The following CD99 variants were observed in gnomAD, a reference collection of about 807,000 sequenced individuals.
CD99 encodes CD99 antigen.
In CD99, 19 loss-of-function variants were observed where a neutral mutation model predicts 28.4. That is an observed-to-expected ratio of 0.67 (90% CI 0.47 to 0.98). CD99 has a LOEUF of 0.98. Among genes scored for constraint, CD99 ranks in the 50% least tolerant of loss-of-function variants. The pLI, the probability that CD99 is intolerant of heterozygous loss-of-function variation, is 0.00. For missense variants in CD99, 283 were observed against 248.8 expected, an observed-to-expected ratio of 1.14 and a Z score of -0.92; for synonymous variants, 103 against 92.1, an observed-to-expected ratio of 1.12 and a Z score of -0.67.
At chrX:2,711,910 C>T (rs2048426912) in intron 1 of CD99, among the ~76,000 whole-genome samples, 3 of 151,960 alleles carry the variant, frequency 2.0e-5, no homozygotes, top group African/African-American at 7.3e-5. Flanking sequence ...GCATGATGGG[C>T]GGGCGCCTAT....
intron 8 of CD99, chrX:2,733,508 G>T (rs1198664487): frequency 2.2e-6 from 2 of 909,800 alleles, no homozygotes; most frequent in Non-Finnish European, 3.4e-6. Context: ...ACCACGATGG[G>T]ATTCTCAATC....
chrX:2,726,520 C>T (rs1249950776), intron 8 of CD99, 147 bp downstream of exon 8: 10 of 704,116 alleles, frequency 1.4e-5, no homozygotes, highest in Non-Finnish European at 2.3e-5. Context: ...ATTCTGGAAT[C>T]GAACCTTCTG....
chrX:2,720,882 C>A (rs2048963531), intron 5 of CD99, among the ~76,000 whole-genome samples: 1 of 152,104 alleles, frequency 6.6e-6, no homozygotes, highest in Non-Finnish European at 1.5e-5. Flanking sequence ...ACCTTGGCCT[C>A]CCAAAAGTGC....
intron 3 of CD99, among the ~76,000 whole-genome samples, chrX:2,718,492 C>T (rs942419231): frequency 3.0e-4 from 45 of 152,100 alleles, no homozygotes; most frequent in Non-Finnish European, 6.2e-4. Flanking sequence ...CCTCAGCCTC[C>T]CAAGTAGCTG....
chrX:2,735,757 GTTC>G (rs912502027), intron 8 of CD99, among the ~76,000 whole-genome samples: 4 of 152,166 alleles, frequency 2.6e-5, no homozygotes, highest in Admixed American at 1.3e-4. Context: ...CATTTCGAAT[GTTC>G]TTCTCTTCAG....
Position 2,714,432 on chromosome X carries a change from C to T in CD99, c.78C>T (p.Phe26=), listed in dbSNP as rs752528634. ...TTTTTTCTCTCTTAGATGGTGGTTT[C>T]GATTTATCCGATGCCCTTCCTGGTG... ...GVLVAAPDGG[F]DLSDALPDNE... is the part of the protein sequence containing the mutation. The change falls in exon 2 of 10, where the codon TTC becomes TTT. Residue 26 remains phenylalanine (F), a synonymous_variant. Coordinates refer to ENST00000381192, the MANE Select transcript of CD99 (RefSeq NM_002414.5). 62 of 1,599,446 alleles carry T rather than the reference C, an allele frequency of 3.9e-5. No homozygotes were observed. Among genetic ancestry groups the T allele is most frequent in the Non-Finnish European group, 3.6e-5 (42 of 1,168,684 alleles).
At chrX:2,703,963 G>C (rs906808760) in intron 1 of CD99, among the ~76,000 whole-genome samples, 1 of 152,108 alleles carries the variant, frequency 6.6e-6, no homozygotes. Flanking sequence ...GCCCTGCCTT[G>C]CTGTTGTCTG....
chrX:2,730,159 A>G (rs1161744788), intron 8 of CD99, among the ~76,000 whole-genome samples: 1 of 133,324 alleles, frequency 7.5e-6, no homozygotes, highest in African/African-American at 3.0e-5. Context: ...GTCTCTAGAT[A>G]TAAAAATAAA....
At chrX:2,704,098 C>T (rs1416177422) in intron 1 of CD99, among the ~76,000 whole-genome samples, 5 of 152,166 alleles carry the variant, frequency 3.3e-5, no homozygotes, top group African/African-American at 1.2e-4. Flanking sequence ...CAGGATTCCA[C>T]GTCTCCCCAG....
intron 3 of CD99, 52 bp downstream of exon 3, chrX:2,717,704 C>T (rs756212188): frequency 2.0e-5 from 31 of 1,526,864 alleles, no homozygotes; most frequent in Admixed American, 8.4e-5. Context: ...ATCATTTTCT[C>T]GGACAGCAGG....
intron 1 of CD99, among the ~76,000 whole-genome samples, chrX:2,700,473 C>T (rs2047794685): frequency 6.6e-6 from 1 of 151,960 alleles, no homozygotes; most frequent in Admixed American, 6.6e-5. Flanking sequence ...TCCATCCATC[C>T]ATCCATCAAC....
intron 9 of CD99, among the ~76,000 whole-genome samples, chrX:2,738,545 G>T (rs2050058042): frequency 1.3e-5 from 2 of 152,010 alleles, no homozygotes. Flanking sequence ...GGCCAACATG[G>T]TGAAACCCTG....
chrX:2,705,009 C>G (rs1216642129), intron 1 of CD99, among the ~76,000 whole-genome samples: 1 of 152,230 alleles, frequency 6.6e-6, no homozygotes, highest in Non-Finnish European at 1.5e-5. Flanking sequence ...GCCACTGTAC[C>G]CGGCCACCTA....
At chrX:2,733,421 T>C (rs1435681829) in intron 8 of CD99, 1 of 1,561,146 alleles carries the variant, frequency 6.4e-7, no homozygotes, top group African/African-American at 1.4e-5. Flanking sequence ...CTGACCGTAA[T>C]CGTTTTATCT....
chrX:2,710,951 A>G (rs2048372011), intron 1 of CD99, among the ~76,000 whole-genome samples: 1 of 143,752 alleles, frequency 7.0e-6, no homozygotes. Flanking sequence ...GCTCACTGCA[A>G]CCTCTACTTC....
intron 7 of CD99, among the ~76,000 whole-genome samples, chrX:2,723,973 GGAAA>G (rs1172726254): frequency 2.2e-5 from 3 of 139,530 alleles, no homozygotes; most frequent in East Asian, 2.4e-4. Flanking sequence ...AAGGAGGGAA[GGAAA>G]GAAGGAAGGA....
At chrX:2,717,292 G>A in intron 2 of CD99, 1 of 284,096 alleles carries the variant, frequency 3.5e-6, no homozygotes, top group East Asian at 6.3e-5. Context: ...AGGTTGTGGT[G>A]AACGGAGACC....
chrX:2,723,587 G>T (rs1378939966), intron 7 of CD99, among the ~76,000 whole-genome samples: 1 of 152,142 alleles, frequency 6.6e-6, no homozygotes, highest in East Asian at 1.9e-4. Context: ...TTTTATGTTT[G>T]GTCACCTGCC....
At chrX:2,712,712 C>G (rs1345292299) in intron 1 of CD99, among the ~76,000 whole-genome samples, 1 of 152,086 alleles carries the variant, frequency 6.6e-6, no homozygotes, top group East Asian at 1.9e-4. Context: ...CAGAGCTGTT[C>G]CGAGCGTTTT....
Sources: gnomAD v4.1 joint callset for allele counts (sites outside exome capture counted in the v4.1 genomes callset) on GRCh38, gnomAD v4.1.1 for gene constraint, MANE v1.5 for transcripts, NCBI Gene and HGNC (gene_info 2026-07-23, HGNC 2026-07-21) for gene names.